The following MRC2 variants were observed in gnomAD, a reference collection of about 807,000 sequenced individuals.
MRC2 encodes C-type mannose receptor 2.
MRC2 carries 84 observed loss-of-function variants against 206.2 expected under a neutral mutation model. The observed-to-expected ratio is 0.41, with a 90% CI of 0.34 to 0.49. The LOEUF is 0.49. Among genes scored for constraint, MRC2 ranks in the 20% least tolerant of loss-of-function variants. The pLI is 0.31. For missense variants in MRC2, 1,676 were observed against 2,001.5 expected (o/e 0.84, Z 3.10); for synonymous variants, 798 against 800.0 (o/e 1.00, Z 0.04).
chr17:62,678,702 G>A, intron 13 of MRC2, 56 bp downstream of exon 13: 1 of 1,576,410 alleles, frequency 6.3e-7, no homozygotes, highest in Non-Finnish European at 8.6e-7. Flanking sequence ...GTAGGAGCAG[G>A]CATGGCCGAC....
At position 62,664,649 on chromosome 17, in the gene MRC2, G is replaced by C; in HGVS notation, c.220G>C (p.Ala74Pro). Residue 74 changes from alanine to proline, a missense_variant, in exon 2 of 30, where the codon GCC (alanine) becomes CCC (proline). Coordinates refer to ENST00000303375, the MANE Select transcript of MRC2 (RefSeq NM_006039.5). The surrounding 1 kb of genome is among the most constrained non-coding windows in gnomAD (Gnocchi z 4.7). ...VTPACNTSLP[A>P]QRWKWVSRNR... ...CCCGGCTTGCAATACCAGCCTCCCT[G>C]CCCAGCGCTGGAAGTGGGTCTCCCG... The C allele has an allele frequency of 1.2e-6, 2 of 1,613,700 alleles. No individual in the cohort carries two copies. Among genetic ancestry groups the C allele is most frequent in the Non-Finnish European group, 1.7e-6 (2 of 1,180,030 alleles).
In MRC2 at chr17:62,644,234, C is replaced by T. The variant is rs149112803; in HGVS notation, c.118+16314C>T. 6.4e-4 allele frequency among the ~76,000 whole-genome samples: 97 copies of T among 151,724 alleles called. 1 individual carries two copies. Among genetic ancestry groups the T allele is most frequent in the African/African-American group, 1.9e-3 (80 of 41,362 alleles). ...GGGAGTTTGAGACCAGCCTGACTGA[C>T]GTGGTGAAACCCTGTCTCTACTAAA... On this transcript the variant is annotated intron_variant, in intron 1 of 29. Coordinates refer to ENST00000303375, the MANE Select transcript of MRC2 (RefSeq NM_006039.5).
chr17:62,634,760 G>A (rs1598964314), intron 1 of MRC2, among the ~76,000 whole-genome samples: 3 of 152,092 alleles, frequency 2.0e-5, no homozygotes, highest in African/African-American at 7.2e-5. Flanking sequence ...CAGCCCAGGA[G>A]TTCCCAGCCT....
chr17:62,671,857 C>A lies in MRC2; in HGVS notation c.1306+20C>A. The A allele has an allele frequency of 6.3e-7, 1 of 1,586,872 alleles. No individual in the cohort carries two copies. Among genetic ancestry groups the A allele is most frequent in the African/African-American group, 1.3e-5 (1 of 74,626 alleles). On this transcript the variant is annotated intron_variant, in intron 7 of 29. Transcript: ENST00000303375. This position sits in a 1 kb window ranked among gnomAD's most constrained non-coding sequence, Gnocchi z 4.5. ...AGCAAGGTGAGGAGCTGCCCGCCCA[C>A]GTGTCTGGGTGGAGGGCAGGGCCTC...
chr17:62,692,026 C>T lies in MRC2; in HGVS notation c.4193-86C>T. 2.5e-6 allele frequency: 4 copies of T among 1,587,964 alleles called. No individual in the cohort carries two copies. The South Asian group carries it at 3.3e-5, about 13-fold the overall frequency. ...CTCTTTCTCCCCAGACCTCCCGGCCCAGGCCTGTGTGCTTTGTATGTTTAC... is the reference window on the plus strand; with the variant it reads ...CTCTTTCTCCCCAGACCTCCCGGCCTAGGCCTGTGTGCTTTGTATGTTTAC... On this transcript the variant is annotated intron_variant, in intron 28 of 29. Coordinates refer to ENST00000303375, the MANE Select transcript of MRC2 (RefSeq NM_006039.5). This position sits in a 1 kb window ranked among gnomAD's most constrained non-coding sequence, Gnocchi z 4.2.
At chr17:62,640,017 CTTTTTTTTTTTTT>C (rs56703312) in intron 1 of MRC2, among the ~76,000 whole-genome samples, 3 of 74,358 alleles carry the variant, frequency 4.0e-5, no homozygotes, top group Non-Finnish European at 2.4e-5. Context: ...CCATGCCCAG[CTTTTTTTTTTTTT>C]TTTTTTTTTT....
At position 62,664,624 on chromosome 17, in the gene MRC2, C is replaced by G; in HGVS notation, c.195C>G (p.Thr65=). The change falls in exon 2 of 30, where the codon ACC becomes ACG. Residue 65 remains threonine (T), a synonymous_variant. Transcript: ENST00000303375. This position sits in a 1 kb window ranked among gnomAD's most constrained non-coding sequence, Gnocchi z 4.7. ...CCCAGGGCGGGCAGGTCAGAGTCACCCCGGCTTGCAATACCAGCCTCCCTG... is the reference window on the plus strand; with the variant it reads ...CCCAGGGCGGGCAGGTCAGAGTCACGCCGGCTTGCAATACCAGCCTCCCTG... ...LEAQGGQVRV[T]PACNTSLPAQ... is the part of the protein sequence containing the mutation. The G allele has an allele frequency of 1.2e-6, 2 of 1,613,604 alleles. No homozygotes were observed. Among genetic ancestry groups the G allele is most frequent in the South Asian group, 2.2e-5 (2 of 91,080 alleles).
In MRC2 at chr17:62,671,273, G is replaced by T. The variant is rs1338494992; in HGVS notation, c.1118-376G>T. Among the ~76,000 whole-genome samples, 1 of 152,114 alleles carries T rather than the reference G, an allele frequency of 6.6e-6. No homozygotes were observed. The highest frequency in any genetic ancestry group is 2.4e-5 in the African/African-American group (1 of 41,422). ...TTTATAGAGATGGGGTCTCCCCTTTGTTGCCCAGTCTGTTCTTGAACTACT... is the reference window on the plus strand; with the variant it reads ...TTTATAGAGATGGGGTCTCCCCTTTTTTGCCCAGTCTGTTCTTGAACTACT... On this transcript the variant is annotated intron_variant, in intron 6 of 29. Transcript: ENST00000303375. This position sits in a 1 kb window ranked among gnomAD's most constrained non-coding sequence, Gnocchi z 4.5.
At position 62,648,998 on chromosome 17, in the gene MRC2, C is replaced by G. The variant is rs539304313; in HGVS notation, c.119-15550C>G. 2.6e-5 allele frequency among the ~76,000 whole-genome samples: 4 copies of G among 152,332 alleles called. No homozygotes were observed. In the East Asian group the frequency reaches 7.7e-4, roughly 29 times the overall value. ...TACAGAGGGACAGGAAGCCTTCTCT[C>G]CCTTTGTCCTCCCAGAAACCCAGGA... On this transcript the variant is annotated intron_variant, in intron 1 of 29. Coordinates refer to ENST00000303375, the MANE Select transcript of MRC2 (RefSeq NM_006039.5).
In MRC2 at chr17:62,674,269, C is replaced by T. The variant is rs571992655; in HGVS notation, c.1569+99C>T. On this transcript the variant is annotated intron_variant, in intron 9 of 29. Transcript: ENST00000303375. ...GAACTCCTGCTGCCTCGCATGGCATCGCCCTCTCGTCGGCACCCCCTTCCC... is the reference window on the plus strand; with the variant it reads ...GAACTCCTGCTGCCTCGCATGGCATTGCCCTCTCGTCGGCACCCCCTTCCC... 26 of 848,632 alleles carry T rather than the reference C, an allele frequency of 3.1e-5. No homozygotes were observed. In the East Asian group the frequency reaches 6.0e-4, roughly 20 times the overall value. The allele number at this position is 848,632 out of a possible 1,614,324, so 52.6% of individuals were successfully genotyped here. A position where few individuals can be genotyped will look rare whatever the true frequency, so the allele number is the denominator to read the frequency against.
chr17:62,684,131 A>G (rs1351220669), intron 20 of MRC2: 1 of 152,238 alleles, frequency 6.6e-6, no homozygotes, highest in Non-Finnish European at 1.5e-5. Context: ...TTTATGACTC[A>G]TGACTCACAG....
rs1201996433 is a variant in MRC2 at position 62,645,497 on chromosome 17, T to TTA, written c.118+17607_118+17608dup. Among the ~76,000 whole-genome samples the TTA allele has an allele frequency of 3.3e-3, 307 of 93,784 alleles. 1 individual carries two copies. The highest frequency in any genetic ancestry group is 7.1e-3 in the Middle Eastern group (1 of 140). The allele number at this position is 93,784 out of a possible 152,430, so 61.5% of individuals were successfully genotyped here. A position where few individuals can be genotyped will look rare whatever the true frequency, so the allele number is the denominator to read the frequency against. ...CACATAATATGTGTGTGTGTATATA[T>TTA]TATATATATATATATATATATATAT... On this transcript the variant is annotated intron_variant, in intron 1 of 29. Transcript: ENST00000303375.
intron 1 of MRC2, among the ~76,000 whole-genome samples, chr17:62,659,099 A>T (rs1184063597): frequency 6.6e-6 from 1 of 152,170 alleles, no homozygotes; most frequent in Non-Finnish European, 1.5e-5. Context: ...CTGTCTTCTC[A>T]CTGTACCCTC....
At chr17:62,643,712 C>T (rs1258067094) in intron 1 of MRC2, among the ~76,000 whole-genome samples, 1 of 151,916 alleles carries the variant, frequency 6.6e-6, no homozygotes, top group African/African-American at 2.4e-5. Flanking sequence ...GCAACAGTGC[C>T]AGGAAAGATT....
rs147837610 is a variant in MRC2 at position 62,686,322 on chromosome 17, G to A, written c.2947-1967G>A. ...ACAAAAATTAGCCAGGTGTGGTGGT[G>A]GGCGCCTGTAATCCCAGCTACTCGG... On this transcript the variant is annotated intron_variant, in intron 20 of 29. Coordinates refer to ENST00000303375, the MANE Select transcript of MRC2 (RefSeq NM_006039.5). Among the ~76,000 whole-genome samples the A allele has an allele frequency of 3.9e-3, 589 of 152,128 alleles. 5 individuals are homozygous for A. Among genetic ancestry groups the A allele is most frequent in the African/African-American group, 0.013 (558 of 41,496 alleles).
At chr17:62,677,189 C>T (rs2088903542) in intron 11 of MRC2, 80 bp from the exon 12 acceptor site, 3 of 1,238,408 alleles carry the variant, frequency 2.4e-6, no homozygotes, top group Non-Finnish European at 3.4e-6. Flanking sequence ...GAGGGCCGTG[C>T]TAGTGCCCTG....
At chr17:62,682,589 CA>C (rs2088982430) in intron 20 of MRC2, among the ~76,000 whole-genome samples, 1 of 152,082 alleles carries the variant, frequency 6.6e-6, no homozygotes, top group Admixed American at 6.6e-5. Context: ...CTCCGGGAAG[CA>C]AGGTTGTCCA....
chr17:62,685,318 C>T (rs1247921681), intron 20 of MRC2, among the ~76,000 whole-genome samples: 1 of 152,080 alleles, frequency 6.6e-6, no homozygotes, highest in Non-Finnish European at 1.5e-5. Flanking sequence ...TGCCTTTTTC[C>T]ATGGAATTGA....
rs759001034 is a variant in MRC2, at chr17:62,679,800, T to C, written c.2196T>C (p.Gly732=). The part of the protein sequence containing the change: ...FVANMLNKIF[G]ESEPEIHEQH... ...TCCCCACTCCTGGGTTGTGCTGAAGTGAATCAGAACCCGAGATCCACGAGC... is the reference window on the plus strand; with the variant it reads ...TCCCCACTCCTGGGTTGTGCTGAAGCGAATCAGAACCCGAGATCCACGAGC... Residue 732 remains glycine, a splice_region_variant and synonymous_variant, in exon 14 of 30, where the codon GGT becomes GGC. Transcript: ENST00000303375. The C allele has an allele frequency of 1.2e-6, 2 of 1,613,632 alleles. No homozygotes were observed. The highest frequency in any genetic ancestry group is 1.7e-6 in the Non-Finnish European group (2 of 1,179,862).
Sources: allele counts gnomAD v4.1 joint callset (sites outside exome capture counted in the v4.1 genomes callset), GRCh38; gene constraint gnomAD v4.1.1; non-coding constraint Gnocchi (gnomAD v3.1); transcripts MANE v1.5; gene names NCBI Gene and HGNC (gene_info 2026-07-23, HGNC 2026-07-21).